PDE6G: variants seen among roughly 807,000 people sequenced by gnomAD.
PDE6G encodes phosphodiesterase 6G.
In PDE6G, 10 loss-of-function variants were observed where a neutral mutation model predicts 10.9. The observed-to-expected ratio is 0.91, with a 90% CI of 0.56 to 1.55. The LOEUF (loss-of-function observed/expected upper bound fraction) is 1.55, where lower values mean the gene tolerates loss of function less well. Among genes scored for constraint, PDE6G ranks in the 40% most tolerant of loss-of-function variants. PDE6G has a pLI of 0.00. For synonymous variants in PDE6G, 41 were observed against 42.8 expected (o/e 0.96, Z 0.16); for missense variants, 102 against 110.1 (o/e 0.93, Z 0.33).
rs974262126 is a variant in PDE6G, at chr17:81,653,671, C to A, written c.-59-307G>T. On this transcript the variant is annotated intron_variant, in intron 1 of 3. Coordinates refer to ENST00000331056, the MANE Select transcript of PDE6G (RefSeq NM_002602.4). This position sits in a 1 kb window ranked among gnomAD's most constrained non-coding sequence, Gnocchi z 5.2. ...TCCACAGCAAACCTAGCCTCCCAAC[C>A]TGTGGCAGGTCCTGAGCCTGGAGTC... is the stretch of plus-strand genomic sequence containing the variant. 2 of 331,528 alleles carry A rather than the reference C, an allele frequency of 6.0e-6. No homozygotes were observed. The highest frequency in any genetic ancestry group is 1.2e-5 in the Non-Finnish European group (2 of 171,212). The allele number at this position is 331,528 out of a possible 1,614,324, so 20.5% of individuals were successfully genotyped here.
upstream of PDE6G, among the ~76,000 whole-genome samples, chr17:81,657,860 G>A (rs778282695): frequency 4.0e-5 from 6 of 151,474 alleles, no homozygotes; most frequent in Non-Finnish European, 8.8e-5. Flanking sequence ...GAGCCTGGGC[G>A]ACAGAGCGAG....
Position 81,651,764 on chromosome 17 carries a change from C to A in PDE6G, c.147-79G>T. ...GCCTGAGGCCCGAGGTCATCTCTAG[C>A]CTTCCTAGGAGATGAGGTGTTTGGC... On this transcript the variant is annotated intron_variant, in intron 2 of 3. Coordinates refer to ENST00000331056, the MANE Select transcript of PDE6G (RefSeq NM_002602.4). This position sits in a 1 kb window ranked among gnomAD's most constrained non-coding sequence, Gnocchi z 4.8. The A allele has an allele frequency of 6.9e-7, 1 of 1,458,428 alleles. No individual in the cohort carries two copies. The highest frequency in any genetic ancestry group is 1.2e-5 in the South Asian group (1 of 85,078). The allele number at this position is 1,458,428 out of a possible 1,614,324, so 90.3% of individuals were successfully genotyped here. A position where few individuals can be genotyped will look rare whatever the true frequency, so the allele number is the denominator to read the frequency against.
Position 81,653,234 on chromosome 17 carries a change from C to T in PDE6G, c.72G>A (p.Arg24=), listed in dbSNP as rs1174027052. The T allele has an allele frequency of 6.2e-7, 1 of 1,614,148 alleles. No homozygotes were observed. Among genetic ancestry groups the T allele is most frequent in the Admixed American group, 1.7e-5 (1 of 60,020 alleles). ...GCTGCTTAAATTTAGGGGGCCCTTTCCTGGGGGTGACAGGTCCCCCGGCCA... is the reference window on the plus strand; with the variant it reads ...GCTGCTTAAATTTAGGGGGCCCTTTTCTGGGGGTGACAGGTCCCCCGGCCA... ...TRVAGGPVTP[R]KGPPKFKQRQ... The change falls in exon 2 of 4, where the codon AGG becomes AGA. Residue 24 remains arginine, a synonymous_variant. Coordinates refer to ENST00000331056, the MANE Select transcript of PDE6G (RefSeq NM_002602.4). The surrounding 1 kb of genome is among the most constrained non-coding windows in gnomAD (Gnocchi z 5.2).
At position 81,653,637 on chromosome 17, in the gene PDE6G, G is replaced by C. The variant is rs899463125; in HGVS notation, c.-59-273C>G. On this transcript the variant is annotated intron_variant, in intron 1 of 3. Transcript: ENST00000331056. This position sits in a 1 kb window ranked among gnomAD's most constrained non-coding sequence, Gnocchi z 5.2. ...CCCCTGTCCTGGCCTCCCTCGCCCC[G>C]GCCCACAATCCACAGCAAACCTAGC... 5 of 391,080 alleles carry C rather than the reference G, an allele frequency of 1.3e-5. No homozygotes were observed. The Admixed American group carries it at 1.8e-4, about 14-fold the overall frequency. The allele number at this position is 391,080 out of a possible 1,614,324, so 24.2% of individuals were successfully genotyped here.
chr17:81,655,655 C>T (rs1321252383), intron 1 of PDE6G, among the ~76,000 whole-genome samples: 1 of 152,244 alleles, frequency 6.6e-6, no homozygotes, highest in Non-Finnish European at 1.5e-5. Context: ...GTCAGCTGCA[C>T]ATGCTGCCGG....
chr17:81,654,770 C>T (rs1356051923), intron 1 of PDE6G, among the ~76,000 whole-genome samples: 3 of 147,334 alleles, frequency 2.0e-5, no homozygotes, highest in African/African-American at 5.0e-5. Context: ...TTTTTTTAGA[C>T]GGAGTCTCGC....
Position 81,653,562 on chromosome 17 carries a change from G to A in PDE6G, c.-59-198C>T, listed in dbSNP as rs992825595. On this transcript the variant is annotated intron_variant, in intron 1 of 3. Transcript: ENST00000331056. The surrounding 1 kb of genome is among the most constrained non-coding windows in gnomAD (Gnocchi z 5.2). Reference sequence around the variant, plus strand: ...CCACCCGCACGCTCCCATTCCCCTTGCCTAGTGGATGCCCCCCTGCAACGC... The same window carrying A: ...CCACCCGCACGCTCCCATTCCCCTTACCTAGTGGATGCCCCCCTGCAACGC... 2 of 540,522 alleles carry A rather than the reference G, an allele frequency of 3.7e-6. No homozygotes were observed. Among genetic ancestry groups the A allele is most frequent in the Admixed American group, 6.3e-5 (2 of 31,920 alleles). The allele number at this position is 540,522 out of a possible 1,614,324, so 33.5% of individuals were successfully genotyped here.
chr17:81,657,738 G>A (rs368636096), upstream of PDE6G, among the ~76,000 whole-genome samples: 52 of 151,822 alleles, frequency 3.4e-4, no homozygotes, highest in African/African-American at 1.1e-3. Context: ...AAAATTAGCC[G>A]GGCGTGGTGG....
chr17:81,654,724 T>C (rs1160982875), intron 1 of PDE6G, among the ~76,000 whole-genome samples: 1 of 149,866 alleles, frequency 6.7e-6, no homozygotes, highest in Non-Finnish European at 1.5e-5. Context: ...CCTAGGATCC[T>C]ATTCCAGAGC....
Position 81,650,564 on chromosome 17 carries a change from G to A in PDE6G, c.*510C>T, listed in dbSNP as rs750037451. 53 of 454,066 alleles carry A rather than the reference G, an allele frequency of 1.2e-4. 1 individual carries two copies. Among genetic ancestry groups the A allele is most frequent in the South Asian group, 7.8e-4 (50 of 64,484 alleles). The allele number at this position is 454,066 out of a possible 1,614,324, so 28.1% of individuals were successfully genotyped here. A position where few individuals can be genotyped will look rare whatever the true frequency, so the allele number is the denominator to read the frequency against. On this transcript the variant is annotated 3_prime_UTR_variant, in exon 4 of 4. Transcript: ENST00000331056. ...GAGCTTGGGGCCTCATCTGCTCACCGTGCACGCCCTGGAGTCCTGCTACCC... is the reference window on the plus strand; with the variant it reads ...GAGCTTGGGGCCTCATCTGCTCACCATGCACGCCCTGGAGTCCTGCTACCC...
intron 1 of PDE6G, among the ~76,000 whole-genome samples, chr17:81,661,579 T>C (rs1418945335): frequency 2.0e-5 from 3 of 151,516 alleles, no homozygotes; most frequent in Admixed American, 1.3e-4. Flanking sequence ...TAGCCAGGCA[T>C]GCCGGGTGCA....
At chr17:81,654,132 GAA>G (rs1055411005) in intron 1 of PDE6G, among the ~76,000 whole-genome samples, 5 of 151,890 alleles carry the variant, frequency 3.3e-5, no homozygotes, top group Non-Finnish European at 7.4e-5. Context: ...CTACTCTGAT[GAA>G]AGTCCTCTGT....
At chr17:81,657,373 C>T (rs572247649), upstream of PDE6G, among the ~76,000 whole-genome samples, 68 of 152,290 alleles carry the variant, frequency 4.5e-4, no homozygotes, top group African/African-American at 1.6e-3. Context: ...TGGAGGAGGC[C>T]ATGCCCACAA....
chr17:81,660,976 T>C (rs557998935), upstream of PDE6G, among the ~76,000 whole-genome samples: 4 of 152,312 alleles, frequency 2.6e-5, no homozygotes, highest in South Asian at 8.3e-4. Context: ...TGGAGTGTAG[T>C]GAGGCAATCA....
At chr17:81,652,636 C>T (rs1229154548) in intron 2 of PDE6G, among the ~76,000 whole-genome samples, 2 of 151,290 alleles carry the variant, frequency 1.3e-5, no homozygotes, top group Non-Finnish European at 2.9e-5. Context: ...AGTGCAATGG[C>T]GCGATCTCAG....
At position 81,653,896 on chromosome 17, in the gene PDE6G, C is replaced by T. The variant is rs1246626451; in HGVS notation, c.-59-532G>A. ...CACTATCTCGGCTCACTGCAACCTC[C>T]GCCTCCCGGGTTCAAGTGATTCTCC... is the stretch of plus-strand genomic sequence containing the variant. On this transcript the variant is annotated intron_variant, in intron 1 of 3. Coordinates refer to ENST00000331056, the MANE Select transcript of PDE6G (RefSeq NM_002602.4). This position sits in a 1 kb window ranked among gnomAD's most constrained non-coding sequence, Gnocchi z 5.2. Among the ~76,000 whole-genome samples the T allele has an allele frequency of 6.6e-6, 1 of 151,998 alleles. No homozygotes were observed. Among genetic ancestry groups the T allele is most frequent in the Admixed American group, 6.6e-5 (1 of 15,266 alleles).
At chr17:81,657,418 G>A (rs907848011), upstream of PDE6G, among the ~76,000 whole-genome samples, 9 of 152,212 alleles carry the variant, frequency 5.9e-5, no homozygotes, top group African/African-American at 2.2e-4. Context: ...GGATCCCAAA[G>A]TTTTAGACAA....
chr17:81,653,018 C>T lies in PDE6G; in HGVS notation c.146+142G>A. ...CTCCATCCCTGCTCAGGCCCTCAGG[C>T]ACCGCCCTACCTTCCCCAGCTGTGA... On this transcript the variant is annotated intron_variant, in intron 2 of 3. Coordinates refer to ENST00000331056, the MANE Select transcript of PDE6G (RefSeq NM_002602.4). The surrounding 1 kb of genome is among the most constrained non-coding windows in gnomAD (Gnocchi z 5.2). The T allele has an allele frequency of 1.0e-6, 1 of 998,846 alleles. No individual in the cohort carries two copies. Among genetic ancestry groups the T allele is most frequent in the South Asian group, 1.3e-5 (1 of 77,824 alleles). 61.9% of individuals were successfully genotyped at this position (998,846 alleles called of 1,614,324 possible).
intron 1 of PDE6G, among the ~76,000 whole-genome samples, chr17:81,661,870 A>C (rs1274378725): frequency 3.3e-5 from 5 of 150,204 alleles, no homozygotes; most frequent in Admixed American, 1.3e-4. Flanking sequence ...AAAAAAAAAA[A>C]AAAAAAAAAA....
Sources: gnomAD v4.1 joint callset for allele counts (sites outside exome capture counted in the v4.1 genomes callset) on GRCh38, gnomAD v4.1.1 for gene constraint, Gnocchi (gnomAD v3.1) non-coding constraint, MANE v1.5 for transcripts, NCBI Gene and HGNC (gene_info 2026-07-23, HGNC 2026-07-21) for gene names.